The following LMCD1 variants were observed in gnomAD, a reference collection of about 807,000 sequenced individuals.
LMCD1 encodes the protein LIM and cysteine rich domains 1, also known as LIM and cysteine-rich domains protein 1.
LMCD1 carries 32 observed loss-of-function variants against 42.7 expected under a neutral mutation model. That is an observed-to-expected ratio of 0.75 (90% CI 0.57 to 1.01). The LOEUF (loss-of-function observed/expected upper bound fraction) is 1.01. Ranked by LOEUF, LMCD1 falls within the 50% of genes least tolerant of loss-of-function variation. The pLI is 0.00. For synonymous variants in LMCD1, 178 were observed against 184.9 expected (o/e 0.96, Z 0.30); for missense variants, 458 against 483.1 (o/e 0.95, Z 0.49).
intron 4 of LMCD1, among the ~76,000 whole-genome samples, chr3:8,559,488 T>C (rs144698463): frequency 1.6e-3 from 249 of 152,276 alleles, no homozygotes; most frequent in African/African-American, 5.6e-3. Context: ...GAGGCACAGG[T>C]AAGTTAGTTC....
Position 8,515,869 on chromosome 3 carries a change from C to T in LMCD1, c.42+13889C>T, listed in dbSNP as rs1487040671. Among the ~76,000 whole-genome samples, 3 of 152,046 alleles carry T rather than the reference C, an allele frequency of 2.0e-5. No homozygotes were observed. In the East Asian group the frequency reaches 5.8e-4, roughly 29 times the overall value. On this transcript the variant is annotated intron_variant, in intron 1 of 5. Coordinates refer to ENST00000157600, the MANE Select transcript of LMCD1 (RefSeq NM_014583.4). ...TAAGCACCCCTCAGTGTGGCCCCTT[C>T]CCATTCTGCACCAAGATCAGAACTG...
chr3:8,502,302 ATAATATAT>A lies in LMCD1; in HGVS notation c.42+323_42+330del, dbSNP rs1559342038. Among the ~76,000 whole-genome samples the A allele has an allele frequency of 7.3e-3, 171 of 23,406 alleles. 13 individuals carry two copies. Among genetic ancestry groups the A allele is most frequent in the Non-Finnish European group, 0.013 (149 of 11,824 alleles). 15.4% of individuals were successfully genotyped at this position (23,406 alleles called of 152,430 possible). ...AAAATATATATAATATATATTATAT[ATAATATAT>A]AAAATATATATTATATATAATATAT... is the stretch of plus-strand genomic sequence containing the variant. On this transcript the variant is annotated intron_variant, in intron 1 of 5. Coordinates refer to ENST00000157600, the MANE Select transcript of LMCD1 (RefSeq NM_014583.4).
intron 1 of LMCD1, among the ~76,000 whole-genome samples, chr3:8,530,233 A>T (rs1179339815): frequency 2.0e-5 from 3 of 152,208 alleles, no homozygotes; most frequent in Non-Finnish European, 4.4e-5. Flanking sequence ...CCAAGTGAGG[A>T]TCCTGCAGAA....
intron 4 of LMCD1, among the ~76,000 whole-genome samples, chr3:8,558,048 A>C (rs916985435): frequency 3.3e-5 from 5 of 152,202 alleles, no homozygotes; most frequent in African/African-American, 1.2e-4. Context: ...GAGGGCTCCC[A>C]AGGTGTGTGT....
intron 1 of LMCD1, among the ~76,000 whole-genome samples, chr3:8,512,415 G>A (rs1694019874): frequency 1.3e-5 from 2 of 152,140 alleles, no homozygotes; most frequent in South Asian, 4.1e-4. Flanking sequence ...CTTGATTTTT[G>A]TCAGTTGTAC....
At chr3:8,566,785 ATGTAGTTGGTCATTTG>A (rs980620764) in intron 5 of LMCD1, among the ~76,000 whole-genome samples, 1 of 152,220 alleles carries the variant, frequency 6.6e-6, no homozygotes, top group African/African-American at 2.4e-5. Flanking sequence ...AGCCTTTCAT[ATGTAGTTGGTCATTTG>A]GCAATCATAG....
At chr3:8,543,444 CAGACAGACAGAGAGAT>C (rs1694673255) in intron 3 of LMCD1, among the ~76,000 whole-genome samples, 1 of 120,512 alleles carries the variant, frequency 8.3e-6, no homozygotes, top group African/African-American at 3.2e-5. Context: ...GATAGATAGA[CAGACAGACAGAGAGAT>C]AGACAGACAG....
chr3:8,559,627 T>C (rs1178029669), intron 4 of LMCD1, among the ~76,000 whole-genome samples: 1 of 152,184 alleles, frequency 6.6e-6, no homozygotes, highest in Non-Finnish European at 1.5e-5. Flanking sequence ...AAGTTTGTGC[T>C]GAGAAAGGGC....
chr3:8,550,396 T>G, intron 4 of LMCD1: 1 of 984,336 alleles, frequency 1.0e-6, no homozygotes, highest in Non-Finnish European at 1.2e-6. Context: ...CAGTCACACA[T>G]GAGCCAGGCG....
At chr3:8,556,153 A>C (rs914473475) in intron 4 of LMCD1, among the ~76,000 whole-genome samples, 1 of 152,230 alleles carries the variant, frequency 6.6e-6, no homozygotes, top group African/African-American at 2.4e-5. Context: ...GCACTGTGCC[A>C]GATATTTTGC....
chr3:8,532,850 C>G (rs777378474), intron 2 of LMCD1, 25 bp downstream of exon 2: 1 of 1,588,728 alleles, frequency 6.3e-7, no homozygotes, highest in Non-Finnish European at 8.6e-7. Flanking sequence ...CAGGAGGGTC[C>G]CTGTCTGCCT....
chr3:8,521,305 C>A (rs1358859749), intron 1 of LMCD1, among the ~76,000 whole-genome samples: 1 of 152,204 alleles, frequency 6.6e-6, no homozygotes, highest in Non-Finnish European at 1.5e-5. Flanking sequence ...CTAGATGTTC[C>A]ATGTGCCATC....
rs956772585 is a variant in LMCD1 at position 8,568,890 on chromosome 3, C to T, written c.*1292C>T. ...CTCATCTGCTGCCAGTTTTCTTTAA[C>T]CTCACCATCCAAATTTCACTCTGAC... is the stretch of plus-strand genomic sequence containing the variant. On this transcript the variant is annotated 3_prime_UTR_variant, in exon 6 of 6. Coordinates refer to ENST00000157600, the MANE Select transcript of LMCD1 (RefSeq NM_014583.4). 6.6e-6 allele frequency: 1 copy of T among 152,142 alleles called. No homozygotes were observed. Among genetic ancestry groups the T allele is most frequent in the African/African-American group, 2.4e-5 (1 of 41,428 alleles). The allele number at this position is 152,142 out of a possible 1,614,324, so 9.4% of individuals were successfully genotyped here.
At position 8,532,802 on chromosome 3, in the gene LMCD1, G is replaced by C. The variant is rs201761622; in HGVS notation, c.108G>C (p.Ser36=). The C allele has an allele frequency of 1.2e-6, 2 of 1,613,794 alleles. No individual in the cohort carries two copies. Among genetic ancestry groups the C allele is most frequent in the Non-Finnish European group, 1.7e-6 (2 of 1,179,848 alleles). ...VACLGCKGTC[S]GFEPHSWRKI... is the part of the protein sequence containing the mutation. ...GTTTGGGATGCAAGGGGACGTGTTC[G>C]GGCTTCGAGCCACATTCATGGAGGT... The change falls in exon 2 of 6, where the codon TCG becomes TCC. Residue 36 remains serine (S), a synonymous_variant. Transcript: ENST00000157600.
At chr3:8,531,544 G>A (rs1694411631) in intron 1 of LMCD1, among the ~76,000 whole-genome samples, 1 of 152,106 alleles carries the variant, frequency 6.6e-6, no homozygotes, top group South Asian at 2.1e-4. Flanking sequence ...GTATGTCCAA[G>A]GCTAGGCAGC....
At chr3:8,530,170 A>T (rs958593779) in intron 1 of LMCD1, among the ~76,000 whole-genome samples, 2 of 152,174 alleles carry the variant, frequency 1.3e-5, no homozygotes, top group Admixed American at 1.3e-4. Flanking sequence ...TTTGTATTTG[A>T]TCAGGTAATT....
At chr3:8,517,296 C>A (rs1329018602) in intron 1 of LMCD1, among the ~76,000 whole-genome samples, 1 of 152,174 alleles carries the variant, frequency 6.6e-6, no homozygotes, top group Admixed American at 6.5e-5. Context: ...AATTACCCCC[C>A]AAGTTGTGTG....
At chr3:8,545,649 G>A (rs1694721265) in intron 3 of LMCD1, among the ~76,000 whole-genome samples, 1 of 152,148 alleles carries the variant, frequency 6.6e-6, no homozygotes. Flanking sequence ...TGTTAAAAAT[G>A]CAGATTCCTG....
At chr3:8,563,541 T>A (rs571694199) in intron 4 of LMCD1, among the ~76,000 whole-genome samples, 8 of 152,222 alleles carry the variant, frequency 5.3e-5, no homozygotes, top group African/African-American at 1.9e-4. Context: ...AGAACAGATA[T>A]AAATTAGATA....
Sources: gnomAD v4.1 joint callset for allele counts (sites outside exome capture counted in the v4.1 genomes callset) on GRCh38, gnomAD v4.1.1 for gene constraint, MANE v1.5 for transcripts, NCBI Gene and HGNC (gene_info 2026-07-23, HGNC 2026-07-21) for gene names.